Variants in RAB38 observed in about 807,000 individuals in gnomAD.
RAB38 encodes RAB38, member RAS oncogene family.
In RAB38, 15 loss-of-function variants were observed where a neutral mutation model predicts 18.4. The ratio of observed to expected loss-of-function variants is 0.82; its 90% CI spans 0.55 to 1.26. RAB38 has a LOEUF of 1.26. RAB38 is among the 50% of genes most tolerant of loss of function. The pLI is 0.00. For synonymous variants in RAB38, 101 were observed against 104.4 expected (o/e 0.97, Z 0.20); for missense variants, 294 against 267.4 (o/e 1.10, Z -0.69).
chr11:88,009,108 C>T, the RAB38 span, among the ~76,000 whole-genome samples: 1 of 152,052 alleles, frequency 6.6e-6, no homozygotes, highest in Non-Finnish European at 1.5e-5. Flanking sequence ...ATATGTACAA[C>T]CTTCCAGAGA....
Position 88,113,898 on chromosome 11 carries a change from T to A in RAB38, c.*90A>T. 2 of 1,497,654 alleles carry A rather than the reference T, an allele frequency of 1.3e-6. No homozygotes were observed. Among genetic ancestry groups the A allele is most frequent in the Non-Finnish European group, 1.8e-6 (2 of 1,084,136 alleles). The allele number at this position is 1,497,654 out of a possible 1,614,324, so 92.8% of individuals were successfully genotyped here. ...TTTGGCTTGCCACATGTGGTATCTC[T>A]ATCCTGACGTTTACCCAAAATGGTA... On this transcript the variant is annotated 3_prime_UTR_variant, in exon 3 of 3. Transcript: ENST00000243662.
chr11:87,901,503 A>G, the RAB38 span, among the ~76,000 whole-genome samples: 1 of 151,580 alleles, frequency 6.6e-6, no homozygotes, highest in African/African-American at 2.4e-5. Context: ...AAGTTTTATC[A>G]CCAATAGCTC....
chr11:87,900,213 A>G, the RAB38 span, among the ~76,000 whole-genome samples: 2 of 151,680 alleles, frequency 1.3e-5, no homozygotes, highest in Admixed American at 6.6e-5. Flanking sequence ...AGAATAATTT[A>G]TCTTATCAGG....
At chr11:87,950,108 C>T in the RAB38 span, among the ~76,000 whole-genome samples, 1 of 152,138 alleles carries the variant, frequency 6.6e-6, no homozygotes, top group Non-Finnish European at 1.5e-5. Context: ...GGATAGTTAC[C>T]TCTTCTTGTT....
the RAB38 span, among the ~76,000 whole-genome samples, chr11:87,825,843 C>G: frequency 6.6e-6 from 1 of 152,030 alleles, no homozygotes; most frequent in Non-Finnish European, 1.5e-5. Flanking sequence ...ATAGGGACAT[C>G]ATTTTTAAAC....
the RAB38 span, among the ~76,000 whole-genome samples, chr11:87,913,409 A>T: frequency 6.6e-5 from 10 of 152,146 alleles, no homozygotes; most frequent in African/African-American, 2.4e-4. Flanking sequence ...AAATATTTTG[A>T]ATTTTGTAAT....
chr11:88,149,967 A>C lies in RAB38; in HGVS notation c.203-12T>G. 3 of 1,591,016 alleles carry C rather than the reference A, an allele frequency of 1.9e-6. No individual in the cohort carries two copies. Among genetic ancestry groups the C allele is most frequent in the Non-Finnish European group, 2.6e-6 (3 of 1,170,072 alleles). On this transcript the variant is annotated splice_polypyrimidine_tract_variant and intron_variant, in intron 1 of 2. Transcript: ENST00000243662. ...AAATCTTTCTTGACCTGACACCAAA[A>C]AGAAATAAAAATAAAAATGTATTAA...
chr11:87,934,072 A>G, the RAB38 span, among the ~76,000 whole-genome samples: 4,952 of 152,180 alleles, frequency 0.033, 192 homozygotes, highest in East Asian at 0.21. Flanking sequence ...ACCTTCCAGC[A>G]TCTCCCTGAA....
At chr11:88,163,929 G>T (rs1357303370) in intron 1 of RAB38, among the ~76,000 whole-genome samples, 1 of 152,036 alleles carries the variant, frequency 6.6e-6, no homozygotes, top group East Asian at 1.9e-4. Context: ...ATCTAGCAAT[G>T]TAAGGTGCAA....
the RAB38 span, among the ~76,000 whole-genome samples, chr11:88,076,984 G>GGAAAAGAAAAGAAAAGA: frequency 3.1e-5 from 2 of 63,672 alleles, no homozygotes; most frequent in African/African-American, 1.5e-4. Context: ...AAGAAAGAAA[G>GGAAAAGAAAAGAAAAGA]AAAGAAAAGA....
the RAB38 span, among the ~76,000 whole-genome samples, chr11:87,844,258 T>C: frequency 2.6e-5 from 4 of 152,200 alleles, no homozygotes; most frequent in Non-Finnish European, 4.4e-5. Context: ...CATACAAGGA[T>C]AGTAATTCAT....
chr11:88,143,649 T>C (rs1441859560), intron 2 of RAB38, among the ~76,000 whole-genome samples: 3 of 152,204 alleles, frequency 2.0e-5, no homozygotes, highest in African/African-American at 4.8e-5. Context: ...TTTAATAGCA[T>C]GCAAAACACG....
At chr11:87,975,724 A>G in the RAB38 span, among the ~76,000 whole-genome samples, 32,190 of 151,578 alleles carry the variant, frequency 0.21, 3,707 homozygotes, top group African/African-American at 0.3. Flanking sequence ...TGCTGTAATA[A>G]ATTAAGGAAG....
chr11:88,044,185 C>T, the RAB38 span, among the ~76,000 whole-genome samples: 1 of 152,184 alleles, frequency 6.6e-6, no homozygotes, highest in East Asian at 1.9e-4. Context: ...GGGACACCTG[C>T]CTGATTATTC....
At chr11:88,085,569 A>G in the RAB38 span, among the ~76,000 whole-genome samples, 2 of 151,924 alleles carry the variant, frequency 1.3e-5, no homozygotes, top group Non-Finnish European at 2.9e-5. Context: ...ACTAACTATG[A>G]GTTATATTTT....
intron 2 of RAB38, among the ~76,000 whole-genome samples, chr11:88,144,430 C>A (rs891526869): frequency 6.6e-6 from 1 of 152,118 alleles, no homozygotes; most frequent in African/African-American, 2.4e-5. Context: ...GAGCTTCCTA[C>A]GGCTGGAAAT....
At chr11:88,003,719 T>C in the RAB38 span, among the ~76,000 whole-genome samples, 3 of 2,686 alleles carry the variant, frequency 1.1e-3, no homozygotes, top group African/African-American at 0.011. Flanking sequence ...ATATTATATA[T>C]AATATATAAT....
At chr11:87,958,720 A>G in the RAB38 span, among the ~76,000 whole-genome samples, 1 of 152,196 alleles carries the variant, frequency 6.6e-6, no homozygotes, top group Admixed American at 6.6e-5. Flanking sequence ...TGTCAAGACA[A>G]ATAGGACTAG....
the RAB38 span, among the ~76,000 whole-genome samples, chr11:87,851,517 C>T: frequency 6.6e-6 from 1 of 152,136 alleles, no homozygotes; most frequent in Non-Finnish European, 1.5e-5. Context: ...TTTGTTTGGT[C>T]TGAATCATCT....
Sources: gnomAD v4.1 joint callset for allele counts (sites outside exome capture counted in the v4.1 genomes callset) on GRCh38, gnomAD v4.1.1 for gene constraint, MANE v1.5 for transcripts, NCBI Gene and HGNC (gene_info 2026-07-23, HGNC 2026-07-21) for gene names.